The following CFAP46 variants were observed in gnomAD, a reference collection of about 807,000 sequenced individuals.
CFAP46 encodes the protein cilia and flagella associated protein 46, also known as cilia- and flagella-associated protein 46.
In CFAP46, 245 loss-of-function variants were observed where a neutral mutation model predicts 325.7. The ratio of observed to expected loss-of-function variants is 0.75; its 90% CI spans 0.68 to 0.84. The LOEUF (loss-of-function observed/expected upper bound fraction) is 0.84. CFAP46 is among the 40% of genes least tolerant of loss of function. The pLI, the probability that CFAP46 is intolerant of heterozygous loss-of-function variation, is 0.00. For missense variants in CFAP46, 3,346 were observed against 3,543.0 expected, an observed-to-expected ratio of 0.94 and a Z score of 1.41; for synonymous variants, 1,523 against 1,495.9, an observed-to-expected ratio of 1.02 and a Z score of -0.42.
At chr10:132,899,197 G>A (rs1485975329) in intron 23 of CFAP46, 76 bp from the exon 24 acceptor site, 17 of 1,470,716 alleles carry the variant, frequency 1.2e-5, no homozygotes, top group Non-Finnish European at 1.3e-5. Flanking sequence ...GGGACAGGAA[G>A]GTCGGGCGCC....
At chr10:132,941,480 C>A (rs1288815047) in intron 3 of CFAP46, 111 bp downstream of exon 3, 2 of 1,398,904 alleles carry the variant, frequency 1.4e-6, no homozygotes, top group Non-Finnish European at 1.9e-6. Flanking sequence ...AAAGGAATTC[C>A]TTCACTCTAC....
At chr10:132,813,585 C>T (rs373585139) in intron 54 of CFAP46, among the ~76,000 whole-genome samples, 609 of 4,010 alleles carry the variant, frequency 0.15, 125 homozygotes, top group African/African-American at 0.28. Context: ...ACACACCTGC[C>T]CCTGCAGCCC....
rs1428671904 is a variant in CFAP46 at position 132,908,703 on chromosome 10, C to A, written c.2758-69G>T. Reference sequence around the variant, plus strand: ...CGAACTTCCCACGGCCTGCAGCCCCCACGGACCACGCAGCGCATGTGATCC... The same window carrying A: ...CGAACTTCCCACGGCCTGCAGCCCCAACGGACCACGCAGCGCATGTGATCC... On this transcript the variant is annotated intron_variant, in intron 21 of 57. Transcript: ENST00000368586. 4 of 1,456,180 alleles carry A rather than the reference C, an allele frequency of 2.7e-6. No individual in the cohort carries two copies. The East Asian group carries it at 9.9e-5, about 36-fold the overall frequency. 90.2% of individuals were successfully genotyped at this position (1,456,180 alleles called of 1,614,324 possible).
At position 132,833,158 on chromosome 10, in the gene CFAP46, A is replaced by T. The variant is rs564188125; in HGVS notation, c.7117+200T>A. Among the ~76,000 whole-genome samples, 98 of 152,006 alleles carry T rather than the reference A, an allele frequency of 6.4e-4. 1 individual carries two copies. The highest frequency in any genetic ancestry group is 2.2e-3 in the African/African-American group (91 of 41,432). On this transcript the variant is annotated intron_variant, in intron 50 of 57. Transcript: ENST00000368586. The stretch of plus-strand genomic sequence containing the variant: ...CCCAGCTAATTTTAAACTTTCTTGT[A>T]GAGATGCACTCTCACCATGTTGCCC...
At chr10:132,903,769 A>G (rs755965070) in intron 22 of CFAP46, among the ~76,000 whole-genome samples, 2 of 152,216 alleles carry the variant, frequency 1.3e-5, no homozygotes, top group Non-Finnish European at 2.9e-5. Flanking sequence ...CATAATAAAT[A>G]TATGATATGT....
At position 132,884,625 on chromosome 10, in the gene CFAP46, G is replaced by A. The variant is rs950946933; in HGVS notation, c.3627+478C>T. On this transcript the variant is annotated intron_variant, in intron 27 of 57. Transcript: ENST00000368586. This position sits in a 1 kb window ranked among gnomAD's most constrained non-coding sequence, Gnocchi z 5.4. ...CCACCTCCTCCTGAGCCCACCCCAA[G>A]GGGAACGTCCATCTCGCCTTCCTGG... 6.6e-6 allele frequency among the ~76,000 whole-genome samples: 1 copy of A among 152,132 alleles called. No homozygotes were observed. Among genetic ancestry groups the A allele is most frequent in the African/African-American group, 2.4e-5 (1 of 41,442 alleles).
At chr10:132,931,764 CT>C (rs1849909819) in intron 8 of CFAP46, among the ~76,000 whole-genome samples, 1 of 143,430 alleles carries the variant, frequency 7.0e-6, no homozygotes. Flanking sequence ...GAGCCTGGGC[CT>C]TCCTCCTTGC....
At chr10:132,891,090 T>G (rs1228681174) in intron 25 of CFAP46, among the ~76,000 whole-genome samples, 2 of 152,168 alleles carry the variant, frequency 1.3e-5, no homozygotes, top group African/African-American at 4.8e-5. Context: ...GTGTCCACGT[T>G]TTTTGTGGAA....
At chr10:132,909,115 CG>C in intron 21 of CFAP46, 21 bp downstream of exon 21, 1 of 1,532,008 alleles carries the variant, frequency 6.5e-7, no homozygotes, top group Admixed American at 2.0e-5. Context: ...CCTGGCCTCC[CG>C]GGACCCCTGG....
At position 132,828,060 on chromosome 10, in the gene CFAP46, G is replaced by A. The variant is rs377641175; in HGVS notation, c.7117+5298C>T. ...CCGGGCAGGACCCCACCACGTGGCCGCACCCCAATGTGCTCATCGCCCACT... is the reference window on the plus strand; with the variant it reads ...CCGGGCAGGACCCCACCACGTGGCCACACCCCAATGTGCTCATCGCCCACT... On this transcript the variant is annotated intron_variant, in intron 50 of 57. Coordinates refer to ENST00000368586, the MANE Select transcript of CFAP46 (RefSeq NM_001200049.3). The surrounding 1 kb of genome is among the most constrained non-coding windows in gnomAD (Gnocchi z 4.9). Among the ~76,000 whole-genome samples the A allele has an allele frequency of 3.9e-4, 60 of 152,322 alleles. No individual in the cohort carries two copies. The South Asian group carries it at 9.7e-3, about 25-fold the overall frequency.
intron 53 of CFAP46, 47 bp downstream of exon 53, chr10:132,814,530 C>T (rs1183977274): frequency 1.2e-5 from 18 of 1,547,392 alleles, no homozygotes; most frequent in Non-Finnish European, 1.5e-5. Context: ...CGGCAGGAGG[C>T]CCGAGGCTGG....
In CFAP46 at chr10:132,893,737, C is replaced by T. The variant is rs149995555; in HGVS notation, c.3220-1320G>A. On this transcript the variant is annotated intron_variant, in intron 24 of 57. Transcript: ENST00000368586. ...TCCCGCTCGGCCTCTTCCCAGTGTACTTTCTTTCCTGTTCTAAAGCTCTTT... is the reference window on the plus strand; with the variant it reads ...TCCCGCTCGGCCTCTTCCCAGTGTATTTTCTTTCCTGTTCTAAAGCTCTTT... Among the ~76,000 whole-genome samples the T allele has an allele frequency of 9.4e-3, 1,434 of 152,370 alleles. 13 individuals carry two copies. Among genetic ancestry groups the T allele is most frequent in the South Asian group, 0.043 (209 of 4,828 alleles).
chr10:132,872,545 T>C lies in CFAP46; in HGVS notation c.4511+131A>G, dbSNP rs1238246357. The C allele has an allele frequency of 7.4e-6, 8 of 1,076,456 alleles. No homozygotes were observed. In the East Asian group the frequency reaches 1.3e-4, roughly 17 times the overall value. The allele number at this position is 1,076,456 out of a possible 1,614,324, so 66.7% of individuals were successfully genotyped here. ...TACCATTTTCATATTCAAATATTTTTATTTACTTGGTGTTCAAGTCCCAGG... is the reference window on the plus strand; with the variant it reads ...TACCATTTTCATATTCAAATATTTTCATTTACTTGGTGTTCAAGTCCCAGG... On this transcript the variant is annotated intron_variant, in intron 32 of 57. Transcript: ENST00000368586.
At chr10:132,903,277 G>A (rs968929359) in intron 22 of CFAP46, among the ~76,000 whole-genome samples, 1 of 152,174 alleles carries the variant, frequency 6.6e-6, no homozygotes. Flanking sequence ...CCTGTTTTCT[G>A]CCAGGCCTGG....
rs770429264 is a variant in CFAP46, at chr10:132,937,381, T to A, written c.660+171A>T. 3 of 737,646 alleles carry A rather than the reference T, an allele frequency of 4.1e-6. No homozygotes were observed. The African/African-American group carries it at 5.3e-5, about 13-fold the overall frequency. 45.7% of individuals were successfully genotyped at this position (737,646 alleles called of 1,614,324 possible). A position where few individuals can be genotyped will look rare whatever the true frequency, so the allele number is the denominator to read the frequency against. ...TGTCACAGTTCTATACATCTTTGCA[T>A]TGGATGAACTGCTATTTCTTTTTAA... On this transcript the variant is annotated intron_variant, in intron 6 of 57. Transcript: ENST00000368586.
Position 132,919,989 on chromosome 10 carries a change from A to G in CFAP46, c.1730+70T>C. On this transcript the variant is annotated intron_variant, in intron 14 of 57. Coordinates refer to ENST00000368586, the MANE Select transcript of CFAP46 (RefSeq NM_001200049.3). The surrounding 1 kb of genome is among the most constrained non-coding windows in gnomAD (Gnocchi z 9.7). Reference sequence around the variant, plus strand: ...TGCAGGGTCAGCTCAGCCGCCACAGACACTGGCCCTCGGGCTGAGCGACCC... The same window carrying G: ...TGCAGGGTCAGCTCAGCCGCCACAGGCACTGGCCCTCGGGCTGAGCGACCC... 4.2e-6 allele frequency: 6 copies of G among 1,429,128 alleles called. No individual in the cohort carries two copies. The highest frequency in any genetic ancestry group is 5.5e-6 in the Non-Finnish European group (6 of 1,089,794). The allele number at this position is 1,429,128 out of a possible 1,614,324, so 88.5% of individuals were successfully genotyped here. A position where few individuals can be genotyped will look rare whatever the true frequency, so the allele number is the denominator to read the frequency against.
chr10:132,859,556 G>A (rs1183949176), intron 37 of CFAP46, among the ~76,000 whole-genome samples: 1 of 152,128 alleles, frequency 6.6e-6, no homozygotes, highest in Non-Finnish European at 1.5e-5. Flanking sequence ...TGACTCACTA[G>A]TGGAACAGAA....
chr10:132,840,077 TG>T (rs1848325076), intron 44 of CFAP46, among the ~76,000 whole-genome samples: 1 of 152,250 alleles, frequency 6.6e-6, no homozygotes, highest in Non-Finnish European at 1.5e-5. Flanking sequence ...AAGAATTTAC[TG>T]GTGAAGCCAG....
At position 132,923,231 on chromosome 10, in the gene CFAP46, CG is replaced by C. The variant is rs1564802295; in HGVS notation, c.1257-524del. 6.2e-3 allele frequency among the ~76,000 whole-genome samples: 805 copies of C among 129,984 alleles called. 3 individuals carry two copies. The highest frequency in any genetic ancestry group is 0.013 in the African/African-American group (444 of 34,330). 85.3% of individuals were successfully genotyped at this position (129,984 alleles called of 152,430 possible). On this transcript the variant is annotated intron_variant, in intron 11 of 57. Coordinates refer to ENST00000368586, the MANE Select transcript of CFAP46 (RefSeq NM_001200049.3). ...GGGGGTGCCCCGGACGCCCTGGCCT[CG>C]AGCAGCCATGTGGGGGTGCCCTGGA...
Sources: gnomAD v4.1 joint callset for allele counts (sites outside exome capture counted in the v4.1 genomes callset) on GRCh38, gnomAD v4.1.1 for gene constraint, Gnocchi (gnomAD v3.1) non-coding constraint, MANE v1.5 for transcripts, NCBI Gene and HGNC (gene_info 2026-07-23, HGNC 2026-07-21) for gene names.